The following CDON variants were observed in gnomAD, a reference collection of about 807,000 sequenced individuals.
CDON encodes the protein cell adhesion associated, oncogene regulated, also known as cell adhesion molecule-related/down-regulated by oncogenes.
CDON carries 73 observed loss-of-function variants against 120.9 expected under a neutral mutation model. That is an observed-to-expected ratio of 0.60 (90% CI 0.50 to 0.73). CDON has a LOEUF of 0.73. Among genes scored for constraint, CDON ranks in the 30% least tolerant of loss-of-function variants. The probability of loss-of-function intolerance (pLI) is 0.00; values close to 1 mark genes in which losing one functional copy is unlikely to be tolerated. For synonymous variants in CDON, 566 were observed against 573.5 expected (o/e 0.99, Z 0.19); for missense variants, 1,470 against 1,587.3 (o/e 0.93, Z 1.26).
chr11:126,051,928 C>T (rs1171435170), intron 1 of CDON, among the ~76,000 whole-genome samples: 1 of 152,114 alleles, frequency 6.6e-6, no homozygotes, highest in Admixed American at 6.6e-5. Context: ...GGATTACAGG[C>T]ATGAACCACC....
At chr11:125,974,972 A>G (rs569032489) in intron 18 of CDON, among the ~76,000 whole-genome samples, 1 of 151,790 alleles carries the variant, frequency 6.6e-6, no homozygotes, top group South Asian at 2.1e-4. Context: ...AGTCTCACTC[A>G]TCCCTTCCTC....
At chr11:126,016,486 G>A (rs1369141949) in intron 6 of CDON, among the ~76,000 whole-genome samples, 1 of 152,138 alleles carries the variant, frequency 6.6e-6, no homozygotes, top group Non-Finnish European at 1.5e-5. Context: ...AGACTGGAGT[G>A]CGGTGGCGTG....
In CDON at chr11:125,962,103, T is replaced by A. The variant is rs1945663051; in HGVS notation, c.3357-105A>T. On this transcript the variant is annotated intron_variant, in intron 18 of 19. Transcript: ENST00000531738. ...TTGGTATTCTGTATTCACAGACTCT[T>A]AAGAAAGAGTGATGCTTAAAAACAA... is the stretch of plus-strand genomic sequence containing the variant. 5.8e-6 allele frequency: 5 copies of A among 866,896 alleles called. No individual in the cohort carries two copies. The African/African-American group carries it at 6.7e-5, about 12-fold the overall frequency. 53.7% of individuals were successfully genotyped at this position (866,896 alleles called of 1,614,324 possible). A position where few individuals can be genotyped will look rare whatever the true frequency, so the allele number is the denominator to read the frequency against.
chr11:126,004,547 T>C (rs1358121149), intron 9 of CDON: 2 of 169,192 alleles, frequency 1.2e-5, no homozygotes, highest in Non-Finnish European at 2.6e-5. Context: ...TCTTGCTTCA[T>C]GTCTTGACAC....
chr11:126,017,702 A>C (rs1219513975), intron 5 of CDON, among the ~76,000 whole-genome samples: 1 of 149,400 alleles, frequency 6.7e-6, no homozygotes, highest in Non-Finnish European at 1.5e-5. Context: ...GGACAGACAT[A>C]TCTCTTTTTT....
chr11:126,047,183 G>GTTATT (rs951305031), intron 1 of CDON, among the ~76,000 whole-genome samples: 11 of 152,068 alleles, frequency 7.2e-5, no homozygotes, highest in Non-Finnish European at 1.5e-4. Flanking sequence ...AAAAATCAGT[G>GTTATT]TTATTTACCT....
chr11:125,992,828 T>G (rs1277225082), intron 14 of CDON, among the ~76,000 whole-genome samples: 1 of 152,222 alleles, frequency 6.6e-6, no homozygotes, highest in Admixed American at 6.5e-5. Flanking sequence ...GAAAATAACC[T>G]TGGCCTATGG....
chr11:126,040,049 C>T (rs76166019), intron 1 of CDON, among the ~76,000 whole-genome samples: 18 of 152,132 alleles, frequency 1.2e-4, no homozygotes, highest in African/African-American at 4.3e-4. Context: ...GGGTCATGAA[C>T]GGACAGAGCA....
intron 1 of CDON, among the ~76,000 whole-genome samples, chr11:126,027,656 G>A (rs1189995995): frequency 6.6e-6 from 1 of 152,128 alleles, no homozygotes; most frequent in Non-Finnish European, 1.5e-5. Flanking sequence ...TAATGTATAA[G>A]TCATTTTTCT....
At chr11:125,968,753 T>C (rs1281099824) in intron 18 of CDON, among the ~76,000 whole-genome samples, 2 of 152,216 alleles carry the variant, frequency 1.3e-5, no homozygotes, top group Non-Finnish European at 2.9e-5. Context: ...ATCAACCACA[T>C]TGATTTAAAA....
intron 18 of CDON, among the ~76,000 whole-genome samples, chr11:125,975,101 T>C (rs1198113460): frequency 6.6e-6 from 1 of 152,348 alleles, no homozygotes; most frequent in African/African-American, 2.4e-5. Flanking sequence ...CAATAAGCTT[T>C]GCAACAATTA....
rs746235628 is a variant in CDON, at chr11:125,994,924, G to A, written c.2491C>T (p.His831Tyr). The A allele has an allele frequency of 3.7e-6, 6 of 1,614,108 alleles. No homozygotes were observed. Among genetic ancestry groups the A allele is most frequent in the Non-Finnish European group, 4.2e-6 (5 of 1,179,984 alleles). The stretch of plus-strand genomic sequence containing the variant: ...CTGACAGCCTCTGTGTATGCAATGT[G>A]AGGTCCAGTTATTGGACGGCTGGAA... ...RFSSRPITGP[H>Y]IAYTEAVSDT... The change falls in exon 13 of 20, where the codon CAC becomes TAC. Residue 831 changes from histidine to tyrosine, a missense_variant. Transcript: ENST00000531738.
In CDON at chr11:126,001,826, G is replaced by C. The variant is rs145983470; in HGVS notation, c.2051C>G (p.Thr684Ser). Residue 684 changes from threonine to serine, a missense_variant, in exon 11 of 20, where the codon ACC (threonine) becomes AGC (serine). By Grantham distance (58) the Thr-to-Ser change is moderately conservative (BLOSUM62 1). Coordinates refer to ENST00000531738, the MANE Select transcript of CDON (RefSeq NM_001378964.1). The stretch of plus-strand genomic sequence containing the variant: ...GCCCACGGGTGGAGAGGATGCCTGG[G>C]TGTTTTTTGATGACGCTGTTTTTTC... Reference protein sequence around the residue: ...SKEKTASSKNTQASSPPVGIP... With the variant: ...SKEKTASSKNSQASSPPVGIP... The C allele has an allele frequency of 7.7e-3, 12,322 of 1,607,342 alleles. 66 individuals carry two copies. Among genetic ancestry groups the C allele is most frequent in the Non-Finnish European group, 8.3e-3 (9,708 of 1,173,766 alleles).
intron 18 of CDON, 139 bp from the exon 19 acceptor site, chr11:125,962,137 T>G: frequency 1.4e-6 from 1 of 721,432 alleles, no homozygotes; most frequent in Non-Finnish European, 2.5e-6. Flanking sequence ...AACTAAATGA[T>G]TCACTATGAT....
At chr11:125,983,764 C>T (rs1330623360) in intron 16 of CDON, 108 bp downstream of exon 16, 1 of 835,232 alleles carries the variant, frequency 1.2e-6, no homozygotes, top group Non-Finnish European at 2.0e-6. Flanking sequence ...TAATGTGTTT[C>T]ATACCATGAC....
intron 7 of CDON, among the ~76,000 whole-genome samples, chr11:126,012,597 CG>C (rs1207863949): frequency 6.8e-6 from 1 of 147,514 alleles, no homozygotes; most frequent in Non-Finnish European, 1.5e-5. Context: ...TTAGTAGAGA[CG>C]GGGTTTCACT....
chr11:125,983,760 G>A, intron 16 of CDON, 112 bp downstream of exon 16: 1 of 819,748 alleles, frequency 1.2e-6, no homozygotes, highest in Non-Finnish European at 2.1e-6. Context: ...TATCTAATGT[G>A]TTTCATACCA....
intron 8 of CDON, among the ~76,000 whole-genome samples, chr11:126,008,134 A>G (rs1299630635): frequency 1.3e-5 from 2 of 152,184 alleles, no homozygotes; most frequent in Non-Finnish European, 2.9e-5. Flanking sequence ...CTCTCATTAT[A>G]GTTTTAAAGA....
At chr11:126,054,960 G>A (rs1948649440) in intron 1 of CDON, among the ~76,000 whole-genome samples, 1 of 152,164 alleles carries the variant, frequency 6.6e-6, no homozygotes, top group African/African-American at 2.4e-5. Flanking sequence ...AAAGCAGCCG[G>A]GATGGCAGAA....
Sources: allele counts gnomAD v4.1 joint callset (sites outside exome capture counted in the v4.1 genomes callset), GRCh38; gene constraint gnomAD v4.1.1; transcripts MANE v1.5; gene names NCBI Gene and HGNC (gene_info 2026-07-23, HGNC 2026-07-21).